PCDHA2: variants seen among roughly 807,000 people sequenced by gnomAD.
PCDHA2 encodes the protein protocadherin alpha-2.
A neutral mutation model predicts 66.0 loss-of-function variants in PCDHA2; 58 were observed. That is an observed-to-expected ratio of 0.88 (90% CI 0.71 to 1.09). The LOEUF (loss-of-function observed/expected upper bound fraction) is 1.09. Among genes scored for constraint, PCDHA2 ranks in the 50% least tolerant of loss-of-function variants. The pLI, the probability that PCDHA2 is intolerant of heterozygous loss-of-function variation, is 0.00. For synonymous variants in PCDHA2, 634 were observed against 554.0 expected, an observed-to-expected ratio of 1.14 and a Z score of -2.03; for missense variants, 1,267 against 1,242.3, an observed-to-expected ratio of 1.02 and a Z score of -0.30.
At position 140,883,630 on chromosome 5, in the gene PCDHA2, G is replaced by A. The variant is rs1424400219; in HGVS notation, c.2388+86278G>A. Reference sequence around the variant, plus strand: ...CCGACGTGAACGACAACGCGCCGGCGTTCGCGCAGCCCGAGTACACGGTGT... The same window carrying A: ...CCGACGTGAACGACAACGCGCCGGCATTCGCGCAGCCCGAGTACACGGTGT... On this transcript the variant is annotated intron_variant, in intron 1 of 3. Coordinates refer to ENST00000526136, the MANE Select transcript of PCDHA2 (RefSeq NM_018905.3). 3 of 1,613,848 alleles carry A rather than the reference G, an allele frequency of 1.9e-6. No individual in the cohort carries two copies. In the African/African-American group the frequency reaches 4.0e-5, roughly 22 times the overall value.
chr5:140,969,167 T>G (rs1554231527), intron 1 of PCDHA2: 1 of 1,613,668 alleles, frequency 6.2e-7, no homozygotes. Flanking sequence ...GACAGCAGGC[T>G]CAGGGAGTGA....
intron 1 of PCDHA2, among the ~76,000 whole-genome samples, chr5:140,892,143 C>T (rs983937899): frequency 3.3e-5 from 5 of 152,262 alleles, no homozygotes; most frequent in African/African-American, 9.6e-5. Flanking sequence ...ATGGTTTTAG[C>T]GTCTATTTCT....
intron 1 of PCDHA2, among the ~76,000 whole-genome samples, chr5:140,900,358 A>C (rs2067968295): frequency 6.6e-6 from 1 of 151,358 alleles, no homozygotes. Flanking sequence ...GCTCACCGCA[A>C]CCTCTGCCTC....
At chr5:140,937,291 C>T (rs940890612) in intron 1 of PCDHA2, among the ~76,000 whole-genome samples, 1 of 152,104 alleles carries the variant, frequency 6.6e-6, no homozygotes, top group African/African-American at 2.4e-5. Flanking sequence ...CCCGCTTCGG[C>T]CTCCCAAAGT....
chr5:140,804,074 T>C (rs6579987), intron 1 of PCDHA2: 91,385 of 159,604 alleles, frequency 0.57, 26,943 homozygotes, highest in African/African-American at 0.7. Context: ...CACCTTCAGT[T>C]TCAAAAATTA....
rs148640226 is a variant in PCDHA2, at chr5:140,809,438, T to A, written c.2388+12086T>A. On this transcript the variant is annotated intron_variant, in intron 1 of 3. Transcript: ENST00000526136. ...CAGTGCGGTGGGGAGCTGGTCATAC[T>A]CGCAGCAGAGGAGGCCGAGGGTGTG... is the stretch of plus-strand genomic sequence containing the variant. 258 of 1,614,176 alleles carry A rather than the reference T, an allele frequency of 1.6e-4. 1 individual carries two copies. The African/African-American group carries it at 2.8e-3, about 17-fold the overall frequency.
At chr5:140,984,398 A>T (rs1377930175) in intron 3 of PCDHA2, among the ~76,000 whole-genome samples, 1 of 152,142 alleles carries the variant, frequency 6.6e-6, no homozygotes, top group Non-Finnish European at 1.5e-5. Flanking sequence ...AAATGTTGAG[A>T]ACCTATCTTT....
intron 1 of PCDHA2, chr5:140,883,780 G>C (rs903874944): frequency 1.2e-6 from 2 of 1,612,370 alleles, no homozygotes; most frequent in Admixed American, 1.7e-5. Flanking sequence ...AGCGTGCGCT[G>C]TCGAGCTACG....
intron 1 of PCDHA2, chr5:140,805,334 T>C: frequency 1.6e-6 from 2 of 1,235,188 alleles, no homozygotes; most frequent in South Asian, 4.9e-5. Flanking sequence ...TTGATGTCAA[T>C]GATCATTTTG....
rs139745274 is a variant in PCDHA2, at chr5:140,994,788, C to T, written c.2536+12225C>T. On this transcript the variant is annotated intron_variant, in intron 3 of 3. Coordinates refer to ENST00000526136, the MANE Select transcript of PCDHA2 (RefSeq NM_018905.3). ...AGAATTCCAGGCAAAGGAAACAATG[C>T]GTGCATGCAAAAACAAAATACAAAA... Among the ~76,000 whole-genome samples, 132 of 152,194 alleles carry T rather than the reference C, an allele frequency of 8.7e-4. 2 individuals carry two copies. The East Asian group carries it at 0.024, about 28-fold the overall frequency.
chr5:140,850,641 C>G lies in PCDHA2; in HGVS notation c.2388+53289C>G, dbSNP rs2041729917. 1.9e-6 allele frequency: 3 copies of G among 1,598,540 alleles called. No homozygotes were observed. Among genetic ancestry groups the G allele is most frequent in the African/African-American group, 1.3e-5 (1 of 74,394 alleles). On this transcript the variant is annotated intron_variant, in intron 1 of 3. Coordinates refer to ENST00000526136, the MANE Select transcript of PCDHA2 (RefSeq NM_018905.3). ...GTCTAGCCTGTTGGTTCTCACGCTG[C>G]TGCTGTACACTGTGCTGCGGTGCTC...
rs146952531 is a variant in PCDHA2 at position 140,951,754 on chromosome 5, G to A, written c.2389-27195G>A. Among the ~76,000 whole-genome samples the A allele has an allele frequency of 4.6e-3, 703 of 152,152 alleles. 3 individuals are homozygous for A. The highest frequency in any genetic ancestry group is 0.016 in the African/African-American group (681 of 41,502). ...TTCTGCCACTGCCCTCACCCTCCGC[G>A]AAATCTCATGACGTTCTTACATTGC... On this transcript the variant is annotated intron_variant, in intron 1 of 3. Transcript: ENST00000526136.
At chr5:140,806,887 A>G (rs1763806968) in intron 1 of PCDHA2, 1 of 430,892 alleles carries the variant, frequency 2.3e-6, no homozygotes, top group Non-Finnish European at 4.2e-6. Flanking sequence ...TACAAAATGT[A>G]TTCCTATTCT....
intron 1 of PCDHA2, among the ~76,000 whole-genome samples, chr5:140,973,636 T>C (rs535388717): frequency 6.6e-6 from 1 of 152,234 alleles, no homozygotes; most frequent in Non-Finnish European, 1.5e-5. Flanking sequence ...CTTGTACACA[T>C]TCTGACTGAA....
intron 1 of PCDHA2, chr5:140,802,217 T>A (rs1554121954): frequency 1.2e-6 from 2 of 1,614,160 alleles, no homozygotes; most frequent in South Asian, 2.2e-5. Flanking sequence ...TACTCGAAAT[T>A]GTGGACATCA....
chr5:140,980,239 A>G (rs1453927657), intron 2 of PCDHA2, among the ~76,000 whole-genome samples: 1 of 152,230 alleles, frequency 6.6e-6, no homozygotes, highest in Non-Finnish European at 1.5e-5. Flanking sequence ...TGGTGGAGAC[A>G]TGCAATGGGT....
At chr5:140,832,794 G>C (rs1057104170) in intron 1 of PCDHA2, among the ~76,000 whole-genome samples, 10 of 152,192 alleles carry the variant, frequency 6.6e-5, no homozygotes, top group Admixed American at 4.6e-4. Context: ...GTACATCATA[G>C]TGTTATTGGA....
At chr5:140,802,099 A>T (rs1418174507) in intron 1 of PCDHA2, 2 of 1,614,118 alleles carry the variant, frequency 1.2e-6, no homozygotes, top group African/African-American at 2.7e-5. Flanking sequence ...GTCAATGGAC[A>T]AATCAGTGTA....
At chr5:140,873,718 T>C (rs1259445115) in intron 1 of PCDHA2, among the ~76,000 whole-genome samples, 1 of 152,216 alleles carries the variant, frequency 6.6e-6, no homozygotes, top group East Asian at 1.9e-4. Context: ...TGGTGTGCAG[T>C]GGCGCAATCT....
Sources: gnomAD v4.1 joint callset for allele counts (sites outside exome capture counted in the v4.1 genomes callset) on GRCh38, gnomAD v4.1.1 for gene constraint, MANE v1.5 for transcripts, NCBI Gene and HGNC (gene_info 2026-07-23, HGNC 2026-07-21) for gene names.